NAA25: variants seen among roughly 807,000 people sequenced by gnomAD.
NAA25 encodes N-terminal acetyltransferase B complex subunit NAA25.
In NAA25, 30 loss-of-function variants were observed where a neutral mutation model predicts 132.5. The ratio of observed to expected loss-of-function variants is 0.23; its 90% confidence interval spans 0.17 to 0.31. NAA25 has a LOEUF of 0.31. Ranked by LOEUF, NAA25 falls within the 10% of genes least tolerant of loss-of-function variation. The pLI is 1.00. For synonymous variants in NAA25, 359 were observed against 401.9 expected, an observed-to-expected ratio of 0.89 and a Z score of 1.28; for missense variants, 771 against 1,150.4, an observed-to-expected ratio of 0.67 and a Z score of 4.77.
rs754395341 is a variant in NAA25 at position 112,075,742 on chromosome 12, T to C, written c.712A>G (p.Met238Val). Residue 238 changes from methionine to valine, a missense_variant, in exon 8 of 24, where the codon ATG (methionine) becomes GTG (valine). By Grantham distance (21) the Met-to-Val change is conservative (BLOSUM62 1). This residue lies in a region of NAA25 where 417 missense variants were observed against 733.8 expected (regional missense o/e 0.57). Coordinates refer to ENST00000261745, the MANE Select transcript of NAA25 (RefSeq NM_024953.4). ...IQSRENKCMA[M>V]YKKLSRWPEC... ...GGCCACCTGCTCAGCTTCTTGTACA[T>C]AGCCATGCATTTATTTTCCCGACTC... 3.1e-6 allele frequency: 5 copies of C among 1,613,952 alleles called. No homozygotes were observed. The highest frequency in any genetic ancestry group is 4.2e-6 in the Non-Finnish European group (5 of 1,179,938).
chr12:112,107,745 C>T (rs1444292591), intron 1 of NAA25, among the ~76,000 whole-genome samples: 1 of 152,148 alleles, frequency 6.6e-6, no homozygotes, highest in Non-Finnish European at 1.5e-5. Flanking sequence ...AAACCACTGA[C>T]CTTGAAGCTT....
intron 1 of NAA25, among the ~76,000 whole-genome samples, chr12:112,095,220 G>A (rs1000742410): frequency 2.6e-5 from 4 of 151,920 alleles, no homozygotes; most frequent in South Asian, 2.1e-4. Flanking sequence ...GGCGGATCAC[G>A]AGGTCAGGAG....
At chr12:112,080,066 G>C (rs544063915) in intron 5 of NAA25, among the ~76,000 whole-genome samples, 1 of 150,048 alleles carries the variant, frequency 6.7e-6, no homozygotes, top group Admixed American at 6.6e-5. Context: ...GGATCACGAG[G>C]TCAGGAGATC....
intron 1 of NAA25, among the ~76,000 whole-genome samples, chr12:112,096,071 G>C (rs779532802): frequency 6.6e-6 from 1 of 152,196 alleles, no homozygotes; most frequent in Non-Finnish European, 1.5e-5. Context: ...GGGATGGGGA[G>C]AGGGAGTATT....
chr12:112,035,737 G>A (rs1156521630), intron 22 of NAA25, among the ~76,000 whole-genome samples: 1 of 150,278 alleles, frequency 6.7e-6, no homozygotes, highest in African/African-American at 2.5e-5. Flanking sequence ...TTGTACAGTG[G>A]TGCGATCACA....
At chr12:112,096,627 C>T (rs1315298573) in intron 1 of NAA25, among the ~76,000 whole-genome samples, 1 of 152,168 alleles carries the variant, frequency 6.6e-6, no homozygotes, top group Non-Finnish European at 1.5e-5. Flanking sequence ...TCACAGATAT[C>T]TAAAAGCACA....
chr12:112,030,696 C>T (rs936287448), intron 23 of NAA25, among the ~76,000 whole-genome samples: 2 of 152,142 alleles, frequency 1.3e-5, no homozygotes, highest in African/African-American at 4.8e-5. Context: ...TAGAAGAAAC[C>T]GGGAACATAC....
intron 4 of NAA25, among the ~76,000 whole-genome samples, chr12:112,086,226 TG>T (rs2079054959): frequency 6.6e-6 from 1 of 151,394 alleles, no homozygotes; most frequent in Non-Finnish European, 1.5e-5. Context: ...CTGGGCGCAC[TG>T]GCTCACATCT....
chr12:112,086,313 T>C (rs1364128089), intron 4 of NAA25, among the ~76,000 whole-genome samples: 1 of 151,104 alleles, frequency 6.6e-6, no homozygotes, highest in Non-Finnish European at 1.5e-5. Flanking sequence ...CTGGCCAACA[T>C]GGTAAAACCT....
At chr12:112,106,092 G>A (rs1416380187) in intron 1 of NAA25, among the ~76,000 whole-genome samples, 4 of 152,188 alleles carry the variant, frequency 2.6e-5, no homozygotes, top group Admixed American at 6.5e-5. Context: ...AGTCTGTACC[G>A]TTCTTTTCCT....
At chr12:112,100,694 G>C (rs536683195) in intron 1 of NAA25, among the ~76,000 whole-genome samples, 2 of 139,276 alleles carry the variant, frequency 1.4e-5, no homozygotes, top group South Asian at 2.2e-4. Flanking sequence ...ATCTTGGCTC[G>C]CTGCATGCTC....
At chr12:112,041,883 A>G (rs746383272) in intron 20 of NAA25, among the ~76,000 whole-genome samples, 156 bp downstream of exon 20, 13 of 152,328 alleles carry the variant, frequency 8.5e-5, no homozygotes, top group Admixed American at 5.9e-4. Flanking sequence ...ATTCACACAC[A>G]TATGTGTTTA....
At chr12:112,084,869 G>A (rs1318925234) in intron 4 of NAA25, among the ~76,000 whole-genome samples, 1 of 151,566 alleles carries the variant, frequency 6.6e-6, no homozygotes, top group African/African-American at 2.4e-5. Context: ...GGCTGAGGCA[G>A]GTAGATCACT....
chr12:112,099,258 G>C (rs1038648517), intron 1 of NAA25, among the ~76,000 whole-genome samples: 1 of 150,778 alleles, frequency 6.6e-6, no homozygotes, highest in Non-Finnish European at 1.5e-5. Flanking sequence ...AAAGTGCTGG[G>C]ATTATAGGCA....
intron 13 of NAA25, among the ~76,000 whole-genome samples, chr12:112,056,211 A>G (rs551921324): frequency 1.0e-3 from 157 of 152,138 alleles, no homozygotes; most frequent in African/African-American, 3.6e-3. Flanking sequence ...GCGGGTGCCT[A>G]TAATTCCAGC....
intron 11 of NAA25, among the ~76,000 whole-genome samples, chr12:112,068,269 G>C (rs1185670629): frequency 2.0e-5 from 3 of 152,154 alleles, no homozygotes; most frequent in African/African-American, 7.2e-5. Flanking sequence ...CCCATAGATA[G>C]AGATGGGAGA....
At position 112,048,381 on chromosome 12, in the gene NAA25, G is replaced by A. The variant is rs143044441; in HGVS notation, c.1791C>T (p.Ile597=). The A allele has an allele frequency of 2.7e-5, 43 of 1,613,820 alleles. No individual in the cohort carries two copies. The African/African-American group carries it at 4.4e-4, about 17-fold the overall frequency. Residue 597 remains isoleucine, a synonymous_variant, in exon 16 of 24, where the codon ATC becomes ATT. Transcript: ENST00000261745. Reference sequence around the variant, plus strand: ...AATTATTCAGCCTGTTCCTAAAAGCGATAAACTCTGGGATCTTCTCAAATG... The same window carrying A: ...AATTATTCAGCCTGTTCCTAAAAGCAATAAACTCTGGGATCTTCTCAAATG... ...YGAFEKIPEF[I]AFRNRLNNSL...
chr12:112,034,523 G>C (rs1429342094), intron 22 of NAA25: 2 of 152,350 alleles, frequency 1.3e-5, no homozygotes, highest in Non-Finnish European at 2.9e-5. Flanking sequence ...CTACTCCGGA[G>C]GCTGAGGCAG....
intron 17 of NAA25, among the ~76,000 whole-genome samples, chr12:112,045,365 C>T (rs1036541879): frequency 2.0e-5 from 3 of 151,764 alleles, no homozygotes; most frequent in Non-Finnish European, 1.5e-5. Flanking sequence ...TGGTGGCACA[C>T]GCCTGTAGTC....
Sources: gnomAD v4.1 joint callset for allele counts (sites outside exome capture counted in the v4.1 genomes callset) on GRCh38, gnomAD v4.1.1 for gene constraint, gnomAD v4.1.1 regional missense constraint, MANE v1.5 for transcripts, NCBI Gene and HGNC (gene_info 2026-07-23, HGNC 2026-07-21) for gene names.